Variants in RB1CC1 observed in about 807,000 individuals in gnomAD.
The protein encoded by RB1CC1 is RB1-inducible coiled-coil protein 1.
RB1CC1 carries 46 observed loss-of-function variants against 177.5 expected under a neutral mutation model. The ratio of observed to expected loss-of-function variants is 0.26; its 90% CI spans 0.20 to 0.33. The LOEUF is 0.33. Among genes scored for constraint, RB1CC1 ranks in the 10% least tolerant of loss-of-function variants. The pLI is 1.00. For synonymous variants in RB1CC1, 666 were observed against 613.6 expected (o/e 1.09, Z -1.26); for missense variants, 1,703 against 1,816.3 (o/e 0.94, Z 1.13).
chr8:52,694,581 A>G (rs1039599666), intron 1 of RB1CC1, among the ~76,000 whole-genome samples: 6 of 152,180 alleles, frequency 3.9e-5, no homozygotes, highest in African/African-American at 1.2e-4. Flanking sequence ...CTTTAGAGAG[A>G]AAGTGTGTGC....
chr8:52,669,624 T>C (rs932524307), intron 7 of RB1CC1, among the ~76,000 whole-genome samples: 1 of 152,242 alleles, frequency 6.6e-6, no homozygotes, highest in African/African-American at 2.4e-5. Flanking sequence ...CAATGTTGTC[T>C]CAACTGCTAC....
At chr8:52,640,051 A>C (rs1320775986) in intron 18 of RB1CC1, among the ~76,000 whole-genome samples, 1 of 152,206 alleles carries the variant, frequency 6.6e-6, no homozygotes, top group African/African-American at 2.4e-5. Flanking sequence ...TGTTTTTATT[A>C]ATTCATTTAA....
At chr8:52,681,777 C>A (rs764966513) in intron 5 of RB1CC1, among the ~76,000 whole-genome samples, 1 of 152,140 alleles carries the variant, frequency 6.6e-6, no homozygotes, top group African/African-American at 2.4e-5. Flanking sequence ...TATAATAAGT[C>A]AATAAAATAC....
chr8:52,640,789 AC>A (rs2150406165), intron 18 of RB1CC1, among the ~76,000 whole-genome samples: 1 of 152,222 alleles, frequency 6.6e-6, no homozygotes, highest in African/African-American at 2.4e-5. Context: ...TTTTTGAATT[AC>A]TTTTTTTGTT....
At chr8:52,681,809 C>T (rs1563433408) in intron 5 of RB1CC1, among the ~76,000 whole-genome samples, 1 of 152,170 alleles carries the variant, frequency 6.6e-6, no homozygotes, top group Admixed American at 6.5e-5. Context: ...GACAAGTTGA[C>T]GTTGGGGAAC....
At chr8:52,677,336 A>C (rs532707467) in intron 5 of RB1CC1, among the ~76,000 whole-genome samples, 3 of 152,290 alleles carry the variant, frequency 2.0e-5, no homozygotes, top group Admixed American at 2.0e-4. Flanking sequence ...TAGGGAAAGA[A>C]GTACTTCAAA....
chr8:52,699,831 ATATAT>A (rs1278866362), intron 1 of RB1CC1, among the ~76,000 whole-genome samples: 3 of 29,956 alleles, frequency 1.0e-4, no homozygotes, highest in African/African-American at 1.6e-4. Flanking sequence ...AAAAAAAAAA[ATATAT>A]ATATATATAT....
chr8:52,682,961 C>T lies in RB1CC1; in HGVS notation c.369+588G>A, dbSNP rs144280397. Among the ~76,000 whole-genome samples, 1,314 of 152,048 alleles carry T rather than the reference C, an allele frequency of 8.6e-3. 18 individuals are homozygous for T. Among genetic ancestry groups the T allele is most frequent in the Non-Finnish European group, 0.013 (854 of 67,952 alleles). ...TGTTCAGTAATGTTATTTATTTTTA[C>T]AAAAGGTAAATACTATTATTTCATT... On this transcript the variant is annotated intron_variant, in intron 5 of 23. Coordinates refer to ENST00000025008, the MANE Select transcript of RB1CC1 (RefSeq NM_014781.5).
intron 15 of RB1CC1, among the ~76,000 whole-genome samples, chr8:52,652,388 C>T (rs1850677104): frequency 6.7e-6 from 1 of 149,344 alleles, no homozygotes; most frequent in African/African-American, 2.5e-5. Flanking sequence ...ATCACTTGAA[C>T]CTGGGAGGTT....
chr8:52,649,871 T>C (rs1850414662), intron 15 of RB1CC1, among the ~76,000 whole-genome samples: 1 of 152,188 alleles, frequency 6.6e-6, no homozygotes, highest in South Asian at 2.1e-4. Context: ...ATTTCAAAAC[T>C]AATATAAACT....
chr8:52,708,421 G>A (rs1356737520), intron 1 of RB1CC1, among the ~76,000 whole-genome samples: 1 of 152,168 alleles, frequency 6.6e-6, no homozygotes, highest in Non-Finnish European at 1.5e-5. Flanking sequence ...GGAGGCTGAG[G>A]TGGGAGAATG....
At chr8:52,690,240 G>A (rs1332033363) in intron 1 of RB1CC1, among the ~76,000 whole-genome samples, 12 of 152,170 alleles carry the variant, frequency 7.9e-5, no homozygotes, top group Admixed American at 7.9e-4. Flanking sequence ...CTTACAGGAG[G>A]CATTTTGTTT....
intron 15 of RB1CC1, among the ~76,000 whole-genome samples, chr8:52,651,256 A>C (rs16918059): frequency 0.024 from 3,599 of 152,294 alleles, 164 homozygotes; most frequent in African/African-American, 0.082. Context: ...CTTAAGAATA[A>C]CCAACATTAA....
intron 5 of RB1CC1, among the ~76,000 whole-genome samples, chr8:52,680,125 T>C (rs1432643582): frequency 1.3e-5 from 2 of 151,882 alleles, no homozygotes; most frequent in Non-Finnish European, 2.9e-5. Context: ...CTACACTAAA[T>C]TACCCTAATT....
In RB1CC1 at chr8:52,656,867, G is replaced by C; in HGVS notation, c.2962C>G (p.Leu988Val). The C allele has an allele frequency of 6.2e-7, 1 of 1,613,388 alleles. No individual in the cohort carries two copies. ...TGAAGTGTGTCCTCTAATTCCTTTAGATGACTTTGCTCCAAGGACTGAAGT... is the reference window on the plus strand; with the variant it reads ...TGAAGTGTGTCCTCTAATTCCTTTACATGACTTTGCTCCAAGGACTGAAGT... ...AELQSLEQSH[L>V]KELEDTLQVR... The change falls in exon 15 of 24, where the codon CTA (leucine) becomes GTA (valine). Residue 988 changes from leucine to valine, a missense_variant. By Grantham distance (32) the Leu-to-Val change is conservative (BLOSUM62 1). Coordinates refer to ENST00000025008, the MANE Select transcript of RB1CC1 (RefSeq NM_014781.5).
chr8:52,651,429 A>C (rs1850574252), intron 15 of RB1CC1, among the ~76,000 whole-genome samples: 1 of 152,244 alleles, frequency 6.6e-6, no homozygotes, highest in Non-Finnish European at 1.5e-5. Context: ...TTGGCCCACA[A>C]AACTTAAACT....
chr8:52,682,947 GTTAT>G (rs1483066391), intron 5 of RB1CC1, among the ~76,000 whole-genome samples: 4 of 152,156 alleles, frequency 2.6e-5, no homozygotes, highest in South Asian at 2.1e-4. Flanking sequence ...GTTCAGTAAT[GTTAT>G]TTATTTTTAC....
chr8:52,656,555 G>A lies in RB1CC1; in HGVS notation c.3274C>T (p.Leu1092Phe). The A allele has an allele frequency of 5.0e-6, 8 of 1,611,016 alleles. No homozygotes were observed. The highest frequency in any genetic ancestry group is 6.8e-6 in the Non-Finnish European group (8 of 1,179,170). Reference sequence around the variant, plus strand: ...AAATTTTCTGTCTCTTGTTCAAGAAGAGATTTCAAGGTCTCCTTCTGCTGG... The same window carrying A: ...AAATTTTCTGTCTCTTGTTCAAGAAAAGATTTCAAGGTCTCCTTCTGCTGG... ...RAQQKETLKS[L>F]LEQETENLRT... Residue 1092 changes from leucine to phenylalanine, a missense_variant, in exon 15 of 24, where the codon CTT becomes TTT. This residue lies in a region of RB1CC1 where 1,169 missense variants were observed against 1,184.7 expected (regional missense o/e 0.99). Transcript: ENST00000025008.
chr8:52,660,945 T>G lies in RB1CC1; in HGVS notation c.1608A>C (p.Glu536Asp), dbSNP rs762995827. ...ACTTACTAAATAATTTCCCAAAGGA[T>G]TCCCTTTTTGATTTTTCTGCTTCAT... ...RLYEAEKSKRESFGKLFRKSF... is the reference protein window; with the variant it reads ...RLYEAEKSKRDSFGKLFRKSF... Residue 536 changes from glutamate to aspartate, a missense_variant, in exon 11 of 24, where the codon GAA becomes GAC. Physicochemically the swap from Glu to Asp is conservative, Grantham distance 45 (BLOSUM62 2). Transcript: ENST00000025008. 6.2e-7 allele frequency: 1 copy of G among 1,612,060 alleles called. No homozygotes were observed. Among genetic ancestry groups the G allele is most frequent in the Non-Finnish European group, 8.5e-7 (1 of 1,178,620 alleles).
Sources: gnomAD v4.1 joint callset for allele counts (sites outside exome capture counted in the v4.1 genomes callset) on GRCh38, gnomAD v4.1.1 for gene constraint, gnomAD v4.1.1 regional missense constraint, MANE v1.5 for transcripts, NCBI Gene and HGNC (gene_info 2026-07-23, HGNC 2026-07-21) for gene names.